SEC11A: variants seen among roughly 807,000 people sequenced by gnomAD.
SEC11A encodes signal peptidase complex catalytic subunit SEC11A.
SEC11A carries 14 observed loss-of-function variants against 25.6 expected under a neutral mutation model. The observed-to-expected ratio is 0.55, with a 90% CI of 0.36 to 0.85. The LOEUF is 0.85. Among genes scored for constraint, SEC11A ranks in the 40% least tolerant of loss-of-function variants. The pLI is 0.01. For missense variants in SEC11A, 153 were observed against 222.9 expected (o/e 0.69, Z 2.00); for synonymous variants, 83 against 76.4 (o/e 1.09, Z -0.45).
chr15:84,675,872 T>C (rs1322872572), intron 4 of SEC11A, among the ~76,000 whole-genome samples: 1 of 152,218 alleles, frequency 6.6e-6, no homozygotes, highest in Admixed American at 6.5e-5. Flanking sequence ...TTAAAAACAT[T>C]ATGCTAGGTG....
intron 3 of SEC11A, 36 bp from the exon 4 acceptor site, chr15:84,680,868 C>T (rs754541723): frequency 1.7e-5 from 27 of 1,556,780 alleles, no homozygotes; most frequent in South Asian, 4.8e-5. Flanking sequence ...TCATCAAATA[C>T]CTTCATGGCA....
chr15:84,678,084 C>T (rs546376122), intron 4 of SEC11A, among the ~76,000 whole-genome samples: 23 of 152,174 alleles, frequency 1.5e-4, no homozygotes, highest in Non-Finnish European at 2.4e-4. Context: ...GTAATCCCAA[C>T]TACTTGGGTG....
intron 1 of SEC11A, among the ~76,000 whole-genome samples, chr15:84,698,500 G>A (rs1897830103): frequency 6.6e-6 from 1 of 152,178 alleles, no homozygotes; most frequent in South Asian, 2.1e-4. Context: ...AAGTGAAATT[G>A]ACGGTGCTGA....
intron 1 of SEC11A, among the ~76,000 whole-genome samples, chr15:84,703,830 T>A (rs916975304): frequency 2.6e-5 from 4 of 152,272 alleles, no homozygotes; most frequent in African/African-American, 9.6e-5. Flanking sequence ...ATGAAGATAA[T>A]TGTGTGCCAT....
chr15:84,710,513 T>C (rs1214347075), intron 1 of SEC11A, among the ~76,000 whole-genome samples: 2 of 152,152 alleles, frequency 1.3e-5, no homozygotes, highest in Non-Finnish European at 2.9e-5. Flanking sequence ...GGTGCACGCC[T>C]ATAATCCCAG....
At chr15:84,673,192 G>A (rs1183216839) in intron 4 of SEC11A, 11 of 173,476 alleles carry the variant, frequency 6.3e-5, no homozygotes, top group Admixed American at 2.0e-4. Flanking sequence ...GCCTCTGCCC[G>A]GCCGCCCCTA....
intron 1 of SEC11A, among the ~76,000 whole-genome samples, chr15:84,697,747 T>A (rs1015414087): frequency 5.3e-5 from 8 of 152,196 alleles, no homozygotes; most frequent in African/African-American, 1.7e-4. Flanking sequence ...AAAAAAAGTG[T>A]TGCCTCTTTC....
intron 3 of SEC11A, among the ~76,000 whole-genome samples, chr15:84,682,911 T>C (rs1488213001): frequency 2.0e-5 from 3 of 152,114 alleles, no homozygotes; most frequent in African/African-American, 7.2e-5. Flanking sequence ...ACCACTGTAG[T>C]AGAAAGAAGA....
chr15:84,690,296 G>T (rs938157108), intron 2 of SEC11A, among the ~76,000 whole-genome samples: 4 of 152,114 alleles, frequency 2.6e-5, no homozygotes, highest in Non-Finnish European at 4.4e-5. Flanking sequence ...CTTGTCTGCC[G>T]CCATGTGAGA....
intron 1 of SEC11A, among the ~76,000 whole-genome samples, chr15:84,714,230 G>A (rs1435980395): frequency 1.3e-5 from 2 of 151,990 alleles, no homozygotes; most frequent in Non-Finnish European, 2.9e-5. Flanking sequence ...TGGCCAGGAT[G>A]GTCTCAATCT....
rs576846858 is a variant in SEC11A, at chr15:84,713,422, C to A, written c.51+2603G>T. 7.4e-4 allele frequency among the ~76,000 whole-genome samples: 112 copies of A among 152,288 alleles called. 1 individual carries two copies. The highest frequency in any genetic ancestry group is 2.6e-3 in the African/African-American group (109 of 41,538). On this transcript the variant is annotated intron_variant, in intron 1 of 5. Transcript: ENST00000268220. ...TCTAGTTTCCCTCTTTCGTCTGATTCTCAGTATCTACATGTATTGTCAATT... is the reference window on the plus strand; with the variant it reads ...TCTAGTTTCCCTCTTTCGTCTGATTATCAGTATCTACATGTATTGTCAATT...
rs190230303 is a variant in SEC11A at position 84,686,421 on chromosome 15, G to A, written c.311+1204C>T. 4.0e-3 allele frequency: 605 copies of A among 152,050 alleles called. 2 individuals carry two copies. The highest frequency in any genetic ancestry group is 0.014 in the African/African-American group (575 of 41,520). The allele number at this position is 152,050 out of a possible 1,614,324, so 9.4% of individuals were successfully genotyped here. On this transcript the variant is annotated intron_variant, in intron 3 of 5. Coordinates refer to ENST00000268220, the MANE Select transcript of SEC11A (RefSeq NM_014300.4). The stretch of plus-strand genomic sequence containing the variant: ...AGGCCAGGGGTTCGAGACTAGCCTA[G>A]CCAACAAGGTGAAACCCTGTCTCTA...
At chr15:84,680,686 G>GT (rs1273735448) in intron 4 of SEC11A, 27 bp downstream of exon 4, 1 of 1,565,898 alleles carries the variant, frequency 6.4e-7, no homozygotes, top group African/African-American at 1.4e-5. Flanking sequence ...GATATAAAAA[G>GT]TTTGAGATGC....
intron 1 of SEC11A, among the ~76,000 whole-genome samples, chr15:84,713,200 A>G (rs941276305): frequency 3.3e-5 from 5 of 152,090 alleles, no homozygotes; most frequent in Non-Finnish European, 7.4e-5. Flanking sequence ...TCTCAAAAAA[A>G]AAAAAAAAAC....
At chr15:84,689,023 C>G (rs1897515471) in intron 2 of SEC11A, among the ~76,000 whole-genome samples, 1 of 128,900 alleles carries the variant, frequency 7.8e-6, no homozygotes, top group Non-Finnish European at 1.7e-5. Context: ...CAGTGAGACT[C>G]TGTCTCAAAA....
intron 3 of SEC11A, among the ~76,000 whole-genome samples, 174 bp from the exon 4 acceptor site, chr15:84,681,006 A>G (rs1157765390): frequency 2.0e-5 from 3 of 152,224 alleles, no homozygotes; most frequent in Non-Finnish European, 4.4e-5. Context: ...TTGTTCATAA[A>G]CGACTAAAAA....
At chr15:84,712,526 C>A (rs1044464817) in intron 1 of SEC11A, among the ~76,000 whole-genome samples, 3 of 150,294 alleles carry the variant, frequency 2.0e-5, no homozygotes, top group Non-Finnish European at 4.4e-5. Context: ...GGGCTCACTG[C>A]AACCTCTGCC....
chr15:84,688,983 T>C (rs556389655), intron 2 of SEC11A, among the ~76,000 whole-genome samples: 44 of 149,086 alleles, frequency 3.0e-4, no homozygotes, highest in South Asian at 8.4e-4. Flanking sequence ...TGGGCTGAGA[T>C]TGCGCCATTG....
intron 1 of SEC11A, among the ~76,000 whole-genome samples, chr15:84,702,425 C>G (rs558294805): frequency 6.6e-6 from 1 of 150,504 alleles, no homozygotes; most frequent in South Asian, 2.1e-4. Flanking sequence ...TCGCATGCAC[C>G]ACTGCACTCC....
Sources: gnomAD v4.1 joint callset for allele counts (sites outside exome capture counted in the v4.1 genomes callset) on GRCh38, gnomAD v4.1.1 for gene constraint, MANE v1.5 for transcripts, NCBI Gene and HGNC (gene_info 2026-07-23, HGNC 2026-07-21) for gene names.